TSPAN18: variants seen among roughly 807,000 people sequenced by gnomAD.
TSPAN18 encodes tetraspanin 18.
In TSPAN18, 14 loss-of-function variants were observed where a neutral mutation model predicts 27.3. The ratio of observed to expected loss-of-function variants is 0.51; its 90% CI spans 0.34 to 0.80. The LOEUF is 0.80. TSPAN18 is among the 30% of genes least tolerant of loss of function. TSPAN18 has a pLI of 0.01. For missense variants in TSPAN18, 268 were observed against 323.9 expected, an observed-to-expected ratio of 0.83 and a Z score of 1.32; for synonymous variants, 143 against 136.5, an observed-to-expected ratio of 1.05 and a Z score of -0.33.
chr11:44,800,049 G>C (rs975713496), intron 2 of TSPAN18, among the ~76,000 whole-genome samples: 8 of 141,450 alleles, frequency 5.7e-5, no homozygotes, highest in African/African-American at 2.1e-4. Flanking sequence ...TAGAGACAGG[G>C]TTTCGCCATG....
At chr11:44,919,619 C>T (rs905144896) in intron 7 of TSPAN18, 198 bp from the exon 8 acceptor site, 8 of 635,434 alleles carry the variant, frequency 1.3e-5, no homozygotes, top group African/African-American at 1.1e-4. Context: ...TTACTGCCAC[C>T]TCTGTTATAG....
At chr11:44,799,893 C>T (rs569195647) in intron 2 of TSPAN18, among the ~76,000 whole-genome samples, 9 of 152,208 alleles carry the variant, frequency 5.9e-5, no homozygotes, top group South Asian at 2.1e-4. Context: ...TGCAGTGGCA[C>T]GATCTTGGCT....
intron 1 of TSPAN18, among the ~76,000 whole-genome samples, chr11:44,741,491 T>G (rs896725041): frequency 1.4e-5 from 2 of 141,694 alleles, no homozygotes; most frequent in Non-Finnish European, 3.0e-5. Context: ...AAAAATGACC[T>G]TACTGATAGA....
intron 2 of TSPAN18, among the ~76,000 whole-genome samples, chr11:44,850,019 C>G (rs1565176283): frequency 6.6e-6 from 1 of 152,152 alleles, no homozygotes; most frequent in Non-Finnish European, 1.5e-5. Context: ...CAAGTGCCTT[C>G]CCTTAAGGGT....
At chr11:44,889,341 G>T (rs909632886) in intron 3 of TSPAN18, among the ~76,000 whole-genome samples, 1 of 152,066 alleles carries the variant, frequency 6.6e-6, no homozygotes, top group African/African-American at 2.4e-5. Flanking sequence ...ACACACCCCA[G>T]CCATAGGCTC....
intron 2 of TSPAN18, among the ~76,000 whole-genome samples, chr11:44,813,267 A>T (rs1186702923): frequency 6.6e-6 from 1 of 152,220 alleles, no homozygotes; most frequent in Non-Finnish European, 1.5e-5. Context: ...GAGGACAGAC[A>T]CAAAGGAGAG....
intron 3 of TSPAN18, among the ~76,000 whole-genome samples, chr11:44,880,868 G>A (rs1858470859): frequency 6.6e-6 from 1 of 152,258 alleles, no homozygotes; most frequent in Non-Finnish European, 1.5e-5. Context: ...TGCTGGGCAG[G>A]ACAGCAGACT....
intron 2 of TSPAN18, among the ~76,000 whole-genome samples, chr11:44,842,039 G>A (rs138224056): frequency 1.3e-5 from 2 of 152,190 alleles, no homozygotes; most frequent in South Asian, 2.1e-4. Context: ...AGCCCCAGAG[G>A]TGGGAAACAG....
intron 1 of TSPAN18, among the ~76,000 whole-genome samples, chr11:44,754,073 T>C (rs1855274676): frequency 6.6e-6 from 1 of 152,226 alleles, no homozygotes; most frequent in African/African-American, 2.4e-5. Flanking sequence ...ATCTCCACGC[T>C]ATGAATTTTA....
At chr11:44,792,996 A>G (rs1300156802) in intron 2 of TSPAN18, among the ~76,000 whole-genome samples, 1 of 152,128 alleles carries the variant, frequency 6.6e-6, no homozygotes, top group East Asian at 1.9e-4. Context: ...GAGATGTGAT[A>G]TGCTCCCAGG....
intron 3 of TSPAN18, among the ~76,000 whole-genome samples, chr11:44,880,914 A>G (rs902123451): frequency 6.6e-6 from 1 of 152,214 alleles, no homozygotes; most frequent in African/African-American, 2.4e-5. Context: ...GTGGCTCCAG[A>G]GGGCTGCTGG....
chr11:44,739,245 G>A (rs1361178224), intron 1 of TSPAN18, among the ~76,000 whole-genome samples: 1 of 152,188 alleles, frequency 6.6e-6, no homozygotes, highest in African/African-American at 2.4e-5. Context: ...ATCCCAGGAA[G>A]TGAGGGGAGT....
At chr11:44,927,536 T>C (rs1198727755) in intron 9 of TSPAN18, among the ~76,000 whole-genome samples, 1 of 152,224 alleles carries the variant, frequency 6.6e-6, no homozygotes, top group Non-Finnish European at 1.5e-5. Context: ...TTTCCCACTG[T>C]GCCTGCAGCG....
At chr11:44,861,175 C>T (rs1161952859) in intron 3 of TSPAN18, among the ~76,000 whole-genome samples, 1 of 152,032 alleles carries the variant, frequency 6.6e-6, no homozygotes, top group Non-Finnish European at 1.5e-5. Context: ...GGCCGCAGGG[C>T]AGGCACCTGC....
chr11:44,825,491 G>A (rs372307832), intron 2 of TSPAN18, among the ~76,000 whole-genome samples: 11 of 152,136 alleles, frequency 7.2e-5, no homozygotes, highest in African/African-American at 2.4e-4. Context: ...TGCAGTGTGC[G>A]CCCCGATTCA....
Position 44,820,380 on chromosome 11 carries a change from T to C in TSPAN18, c.-152-39948T>C, listed in dbSNP as rs1462358872. Among the ~76,000 whole-genome samples the C allele has an allele frequency of 2.6e-5, 4 of 152,328 alleles. No homozygotes were observed. In the East Asian group the frequency reaches 7.7e-4, roughly 29 times the overall value. On this transcript the variant is annotated intron_variant, in intron 2 of 9. Transcript: ENST00000520358. ...TGGACTGCTCTGGGCACAGGCGTCC[T>C]CCCTGGTCCAGTCATCTGTGGCAAG...
chr11:44,858,221 C>G (rs371026868), intron 2 of TSPAN18, among the ~76,000 whole-genome samples: 16 of 152,200 alleles, frequency 1.1e-4, no homozygotes, highest in African/African-American at 3.6e-4. Context: ...TGCCTGCCCC[C>G]CACTCCCACA....
At chr11:44,833,773 C>T (rs1307977781) in intron 2 of TSPAN18, among the ~76,000 whole-genome samples, 1 of 151,890 alleles carries the variant, frequency 6.6e-6, no homozygotes, top group Non-Finnish European at 1.5e-5. Context: ...ATAGACACCC[C>T]ACCTGGGCCT....
intron 2 of TSPAN18, among the ~76,000 whole-genome samples, chr11:44,829,938 A>G (rs189053092): frequency 6.6e-6 from 1 of 152,212 alleles, no homozygotes; most frequent in African/African-American, 2.4e-5. Context: ...GAAACATGCA[A>G]TATGAACCAA....
Sources: allele counts gnomAD v4.1 joint callset (sites outside exome capture counted in the v4.1 genomes callset), GRCh38; gene constraint gnomAD v4.1.1; transcripts MANE v1.5; gene names NCBI Gene and HGNC (gene_info 2026-07-23, HGNC 2026-07-21).